NCALD: variants seen among roughly 807,000 people sequenced by gnomAD.
NCALD encodes the protein neurocalcin delta, also known as neurocalcin-delta.
Under a neutral mutation model 18.6 loss-of-function variants are expected in NCALD, and 10 were observed. That is an observed-to-expected ratio of 0.54 (90% CI 0.33 to 0.91). The LOEUF (loss-of-function observed/expected upper bound fraction) is 0.91. Ranked by LOEUF, NCALD falls within the 40% of genes least tolerant of loss-of-function variation. NCALD has a pLI of 0.03. For synonymous variants in NCALD, 88 were observed against 87.4 expected (o/e 1.01, Z -0.04); for missense variants, 184 against 247.6 (o/e 0.74, Z 1.72).
chr8:101,950,280 G>A (rs1819341040), intron 2 of NCALD: 1 of 152,178 alleles, frequency 6.6e-6, no homozygotes, highest in African/African-American at 2.4e-5. Flanking sequence ...ATCCTAAGGC[G>A]GTAGCCGGAA....
intron 2 of NCALD, among the ~76,000 whole-genome samples, chr8:101,991,906 G>A (rs938607488): frequency 6.6e-6 from 1 of 152,176 alleles, no homozygotes. Context: ...CCTCAGAAAG[G>A]TGTCTCACTG....
At chr8:101,963,897 T>G (rs1819927434) in intron 2 of NCALD, among the ~76,000 whole-genome samples, 1 of 152,142 alleles carries the variant, frequency 6.6e-6, no homozygotes. Context: ...GGAAAGGATC[T>G]TAATGGTCTC....
chr8:102,058,945 A>T (rs1823748939), intron 1 of NCALD, among the ~76,000 whole-genome samples: 1 of 152,166 alleles, frequency 6.6e-6, no homozygotes, highest in Admixed American at 6.5e-5. Context: ...GCTACAAGGA[A>T]AGGAATGCAG....
chr8:101,755,063 G>A (rs766885377), intron 1 of NCALD, among the ~76,000 whole-genome samples: 5 of 152,166 alleles, frequency 3.3e-5, no homozygotes, highest in Non-Finnish European at 7.3e-5. Context: ...CACCACCTTG[G>A]ATGGTGACTG....
chr8:101,861,237 C>T (rs1220166662), intron 4 of NCALD, among the ~76,000 whole-genome samples: 3 of 151,966 alleles, frequency 2.0e-5, no homozygotes, highest in Admixed American at 2.0e-4. Flanking sequence ...ATATGGGCAA[C>T]TTTGTTCCTC....
At chr8:101,930,129 A>G (rs1480981797) in intron 2 of NCALD, among the ~76,000 whole-genome samples, 3 of 152,206 alleles carry the variant, frequency 2.0e-5, no homozygotes, top group African/African-American at 7.2e-5. Flanking sequence ...TTTTAAAATG[A>G]GAAAATTACA....
chr8:101,872,990 T>G (rs76396297), intron 4 of NCALD, among the ~76,000 whole-genome samples: 4,991 of 152,332 alleles, frequency 0.033, 300 homozygotes, highest in African/African-American at 0.11. Flanking sequence ...CTTCCACTAA[T>G]GCTTTGCTTC....
intron 2 of NCALD, among the ~76,000 whole-genome samples, chr8:101,935,711 T>G (rs1818736266): frequency 6.6e-6 from 1 of 151,230 alleles, no homozygotes; most frequent in South Asian, 2.1e-4. Flanking sequence ...GTGGATATGA[T>G]GAGTCTGGAC....
intron 2 of NCALD, among the ~76,000 whole-genome samples, chr8:102,016,313 C>T (rs1455593785): frequency 1.3e-5 from 2 of 152,118 alleles, no homozygotes; most frequent in Admixed American, 6.5e-5. Flanking sequence ...CTAACAAAGC[C>T]CCACTCCCAA....
intron 2 of NCALD, among the ~76,000 whole-genome samples, chr8:102,013,162 C>T (rs1256992576): frequency 6.6e-6 from 1 of 152,130 alleles, no homozygotes; most frequent in East Asian, 1.9e-4. Flanking sequence ...CTCCATGCTC[C>T]CTCAAGGGAG....
upstream of NCALD, among the ~76,000 whole-genome samples, chr8:101,792,195 A>T (rs1021208624): frequency 2.6e-5 from 4 of 151,966 alleles, no homozygotes; most frequent in Non-Finnish European, 5.9e-5. Flanking sequence ...AATAAATAAA[A>T]AAGAGTAGCT....
chr8:101,838,711 A>C (rs1480414744), intron 4 of NCALD, among the ~76,000 whole-genome samples: 1 of 152,256 alleles, frequency 6.6e-6, no homozygotes, highest in Non-Finnish European at 1.5e-5. Context: ...CTGGAAGGTC[A>C]CTGGGTGGAC....
chr8:102,063,523 T>C (rs1170667485), intron 1 of NCALD, among the ~76,000 whole-genome samples: 1 of 152,162 alleles, frequency 6.6e-6, no homozygotes, highest in Non-Finnish European at 1.5e-5. Flanking sequence ...TAAAGGGACA[T>C]TTTTTTAAGA....
At chr8:102,045,638 A>C (rs1274638776) in intron 1 of NCALD, among the ~76,000 whole-genome samples, 1 of 151,992 alleles carries the variant, frequency 6.6e-6, no homozygotes, top group Non-Finnish European at 1.5e-5. Context: ...GCTTTTAAAC[A>C]TTTTTTTTAA....
At chr8:101,756,121 C>T (rs993340284) in intron 1 of NCALD, among the ~76,000 whole-genome samples, 9 of 151,514 alleles carry the variant, frequency 5.9e-5, no homozygotes, top group Non-Finnish European at 1.2e-4. Context: ...GTCAGAAAAT[C>T]AGATCAGAAG....
At chr8:101,739,785 T>G (rs1398365882) in intron 1 of NCALD, among the ~76,000 whole-genome samples, 1 of 152,210 alleles carries the variant, frequency 6.6e-6, no homozygotes, top group East Asian at 1.9e-4. Context: ...TTTTAGGGCT[T>G]GGACTGGCTT....
At chr8:101,937,783 C>T (rs755313218) in intron 2 of NCALD, among the ~76,000 whole-genome samples, 48 of 152,218 alleles carry the variant, frequency 3.2e-4, no homozygotes, top group Admixed American at 1.0e-3. Context: ...ATGGTTTCTG[C>T]CCTCATGGAG....
intron 2 of NCALD, among the ~76,000 whole-genome samples, chr8:102,010,276 C>A (rs1286026783): frequency 6.6e-6 from 1 of 152,254 alleles, no homozygotes; most frequent in Non-Finnish European, 1.5e-5. Context: ...TCTAACAAAT[C>A]TGCCTTTCTT....
At chr8:101,971,567 C>A (rs956983720) in intron 2 of NCALD, among the ~76,000 whole-genome samples, 7 of 152,120 alleles carry the variant, frequency 4.6e-5, no homozygotes, top group Non-Finnish European at 4.4e-5. Flanking sequence ...TCATCTTCCA[C>A]CATGACTGGA....
Sources: gnomAD v4.1 joint callset for allele counts (sites outside exome capture counted in the v4.1 genomes callset) on GRCh38, gnomAD v4.1.1 for gene constraint, MANE v1.5 for transcripts, NCBI Gene and HGNC (gene_info 2026-07-23, HGNC 2026-07-21) for gene names.